Variants in LARP1B observed in about 807,000 individuals in gnomAD.
LARP1B encodes the protein la-related protein 1B.
In LARP1B, 76 loss-of-function variants were observed where a neutral mutation model predicts 114.2. The ratio of observed to expected loss-of-function variants is 0.67; its 90% confidence interval spans 0.55 to 0.81. The LOEUF (loss-of-function observed/expected upper bound fraction) is 0.81, where lower values mean the gene tolerates loss of function less well. Among genes scored for constraint, LARP1B ranks in the 30% least tolerant of loss-of-function variants. The pLI, the probability that LARP1B is intolerant of heterozygous loss-of-function variation, is 0.00. For synonymous variants in LARP1B, 345 were observed against 348.0 expected (o/e 0.99, Z 0.10); for missense variants, 1,014 against 1,075.8 (o/e 0.94, Z 0.80).
At chr4:128,195,434 A>G (rs1014568688) in intron 15 of LARP1B, among the ~76,000 whole-genome samples, 7 of 152,078 alleles carry the variant, frequency 4.6e-5, no homozygotes, top group African/African-American at 1.7e-4. Context: ...GCTCCCTGTG[A>G]TAAGTATGCC....
intron 7 of LARP1B, among the ~76,000 whole-genome samples, chr4:128,221,885 C>T (rs948341835): frequency 5.9e-5 from 9 of 152,154 alleles, no homozygotes; most frequent in Non-Finnish European, 1.2e-4. Flanking sequence ...TACAAAATTA[C>T]ACTTACCTCA....
intron 12 of LARP1B, among the ~76,000 whole-genome samples, chr4:128,176,221 A>G (rs1472104365): frequency 1.4e-5 from 2 of 143,536 alleles, no homozygotes; most frequent in Non-Finnish European, 3.0e-5. Context: ...TTATATATAA[A>G]TTTATATATA....
intron 9 of LARP1B, chr4:128,108,074 T>A: frequency 1.4e-6 from 2 of 1,429,960 alleles, no homozygotes; most frequent in Non-Finnish European, 1.8e-6. Flanking sequence ...AACACTGCAG[T>A]GGAGATAACC....
chr4:128,207,800 G>A (rs1220550198), intron 19 of LARP1B, among the ~76,000 whole-genome samples: 4 of 152,248 alleles, frequency 2.6e-5, no homozygotes, highest in Non-Finnish European at 4.4e-5. Flanking sequence ...AGAGAATGTT[G>A]TGTGCATGTG....
chr4:128,079,036 A>G (rs937979098), intron 4 of LARP1B, among the ~76,000 whole-genome samples: 1 of 152,096 alleles, frequency 6.6e-6, no homozygotes, highest in Non-Finnish European at 1.5e-5. Context: ...GTTGTTGCCA[A>G]CTTCTTTAAC....
At chr4:128,083,830 C>T (rs553435854) in intron 5 of LARP1B, among the ~76,000 whole-genome samples, 131 of 149,614 alleles carry the variant, frequency 8.8e-4, no homozygotes, top group Middle Eastern at 3.5e-3. Context: ...CCGGACGGGG[C>T]GGCTGCCGGG....
intron 15 of LARP1B, among the ~76,000 whole-genome samples, chr4:128,188,314 A>G (rs1751023299): frequency 6.6e-6 from 1 of 152,168 alleles, no homozygotes; most frequent in South Asian, 2.1e-4. Context: ...ACCTCAGGTC[A>G]TCCGCCCGCC....
rs1745102097 is a variant in LARP1B, at chr4:128,174,521, T to C, written c.1649-2351T>C. 2.0e-5 allele frequency among the ~76,000 whole-genome samples: 3 copies of C among 152,082 alleles called. No homozygotes were observed. In the South Asian group the frequency reaches 6.2e-4, roughly 31 times the overall value. On this transcript the variant is annotated intron_variant, in intron 12 of 19. Coordinates refer to ENST00000326639, the MANE Select transcript of LARP1B (RefSeq NM_018078.4). Reference sequence around the variant, plus strand: ...AGATGTTGATCTTACAAAATTAATATATCTACTCTTATTGGTGGGCAAAAT... The same window carrying C: ...AGATGTTGATCTTACAAAATTAATACATCTACTCTTATTGGTGGGCAAAAT...
At chr4:128,194,705 A>G (rs979972086) in intron 15 of LARP1B, among the ~76,000 whole-genome samples, 5 of 149,584 alleles carry the variant, frequency 3.3e-5, no homozygotes, top group Non-Finnish European at 5.9e-5. Flanking sequence ...AAAAAAAAAA[A>G]AAAAAAGTTT....
At chr4:128,130,701 G>T (rs1189148167) in intron 11 of LARP1B, among the ~76,000 whole-genome samples, 1 of 152,234 alleles carries the variant, frequency 6.6e-6, no homozygotes, top group Non-Finnish European at 1.5e-5. Context: ...GAGTTGAGAT[G>T]TGTAGCCACA....
intron 11 of LARP1B, among the ~76,000 whole-genome samples, chr4:128,154,613 A>G (rs1478158815): frequency 6.6e-6 from 1 of 152,160 alleles, no homozygotes; most frequent in Non-Finnish European, 1.5e-5. Context: ...CAAATTCATT[A>G]TCTTTTAGCT....
intron 15 of LARP1B, among the ~76,000 whole-genome samples, chr4:128,197,399 A>T (rs1754531616): frequency 6.6e-6 from 1 of 152,060 alleles, no homozygotes; most frequent in African/African-American, 2.4e-5. Flanking sequence ...GACATTAAAA[A>T]CTCATTTTTT....
intron 19 of LARP1B, among the ~76,000 whole-genome samples, 184 bp downstream of exon 19, chr4:128,207,567 G>T (rs565200885): frequency 6.6e-6 from 1 of 151,956 alleles, no homozygotes; most frequent in East Asian, 1.9e-4. Context: ...CTCAGATTTC[G>T]CAAATGTTAA....
intron 11 of LARP1B, among the ~76,000 whole-genome samples, chr4:128,130,083 T>C (rs546283803): frequency 4.6e-5 from 7 of 152,240 alleles, no homozygotes; most frequent in Non-Finnish European, 8.8e-5. Flanking sequence ...GTGCAGTGAG[T>C]GGCTCATGCC....
chr4:128,213,843 C>T (rs1001955251), downstream of LARP1B, among the ~76,000 whole-genome samples: 2 of 152,124 alleles, frequency 1.3e-5, no homozygotes, highest in Non-Finnish European at 2.9e-5. Context: ...CAGCTCCCAG[C>T]GTGAGCGACG....
At chr4:128,212,912 C>CTTTTTTTTTTT (rs1174891101), downstream of LARP1B, among the ~76,000 whole-genome samples, 4 of 83,740 alleles carry the variant, frequency 4.8e-5, no homozygotes, top group Non-Finnish European at 6.5e-5. Flanking sequence ...AAATCTCTCT[C>CTTTTTTTTTTT]TTTTTTTTTT....
intron 5 of LARP1B, among the ~76,000 whole-genome samples, chr4:128,086,153 G>A (rs1318668517): frequency 6.6e-6 from 1 of 151,334 alleles, no homozygotes; most frequent in Non-Finnish European, 1.5e-5. Flanking sequence ...ACAAGCACCT[G>A]CCAGCACGCC....
At chr4:128,092,841 A>G in intron 7 of LARP1B, 2 of 985,412 alleles carry the variant, frequency 2.0e-6, no homozygotes, top group Non-Finnish European at 2.4e-6. Flanking sequence ...GTGGCTGTCA[A>G]CTTCATACCA....
chr4:128,062,519 C>T (rs896747513), intron 1 of LARP1B, among the ~76,000 whole-genome samples: 1 of 151,440 alleles, frequency 6.6e-6, no homozygotes, highest in Non-Finnish European at 1.5e-5. Flanking sequence ...GTGTTTTGTC[C>T]CCAGTGTTAG....
Sources: gnomAD v4.1 joint callset for allele counts (sites outside exome capture counted in the v4.1 genomes callset) on GRCh38, gnomAD v4.1.1 for gene constraint, MANE v1.5 for transcripts, NCBI Gene and HGNC (gene_info 2026-07-23, HGNC 2026-07-21) for gene names.